The following TTC28 variants were observed in gnomAD, a reference collection of about 807,000 sequenced individuals.
TTC28 encodes the protein tetratricopeptide repeat domain 28.
A neutral mutation model predicts 198.0 loss-of-function variants in TTC28; 61 were observed. That is an observed-to-expected ratio of 0.31 (90% confidence interval 0.25 to 0.38). The LOEUF (loss-of-function observed/expected upper bound fraction) is 0.38. TTC28 is among the 10% of genes least tolerant of loss of function. TTC28 has a pLI of 1.00. For missense variants in TTC28, 2,678 were observed against 3,164.0 expected (o/e 0.85, Z 3.69); for synonymous variants, 1,171 against 1,297.8 (o/e 0.90, Z 2.10).
At chr22:28,137,153 C>G (rs772363691) in intron 6 of TTC28, among the ~76,000 whole-genome samples, 13 of 152,080 alleles carry the variant, frequency 8.5e-5, no homozygotes, top group Non-Finnish European at 1.0e-4. Flanking sequence ...TTCTTTGGAG[C>G]CCCTATGGAG....
intron 5 of TTC28, among the ~76,000 whole-genome samples, chr22:28,268,573 T>C (rs1453219434): frequency 6.6e-6 from 1 of 152,214 alleles, no homozygotes; most frequent in East Asian, 1.9e-4. Context: ...ACATACTAGT[T>C]TGAAAATATC....
intron 5 of TTC28, among the ~76,000 whole-genome samples, chr22:28,290,400 T>C (rs1399625812): frequency 1.3e-5 from 2 of 152,076 alleles, no homozygotes; most frequent in African/African-American, 4.8e-5. Context: ...TTGGGAGTGT[T>C]CTCAAAGATC....
At chr22:28,640,513 C>T (rs529408754) in intron 1 of TTC28, among the ~76,000 whole-genome samples, 1 of 151,480 alleles carries the variant, frequency 6.6e-6, no homozygotes, top group Non-Finnish European at 1.5e-5. Flanking sequence ...TTTCATTCAA[C>T]TCCAAGATAC....
At chr22:28,352,188 T>C (rs564097087) in intron 2 of TTC28, among the ~76,000 whole-genome samples, 1 of 152,236 alleles carries the variant, frequency 6.6e-6, no homozygotes, top group African/African-American at 2.4e-5. Context: ...TTAGATCTCA[T>C]CTACTTATCC....
At chr22:28,184,565 A>G (rs1316241988) in intron 5 of TTC28, among the ~76,000 whole-genome samples, 1 of 151,990 alleles carries the variant, frequency 6.6e-6, no homozygotes, top group Non-Finnish European at 1.5e-5. Flanking sequence ...CCTAAGTTAC[A>G]TTTTTAAATT....
rs569111557 is a variant in TTC28, at chr22:28,553,435, G to A, written c.381+76117C>T. Among the ~76,000 whole-genome samples, 1,126 of 147,904 alleles carry A rather than the reference G, an allele frequency of 7.6e-3. 12 individuals carry two copies. The highest frequency in any genetic ancestry group is 0.026 in the African/African-American group (1,034 of 39,740). On this transcript the variant is annotated intron_variant, in intron 2 of 22. Coordinates refer to ENST00000397906, the MANE Select transcript of TTC28 (RefSeq NM_001145418.2). ...GAGATGTGGGGAGCGCCTCTGCCCC[G>A]CCGCCCTGTCTGGGATGTGAGGAGC...
intron 2 of TTC28, among the ~76,000 whole-genome samples, chr22:28,541,575 C>G (rs1156332579): frequency 1.3e-5 from 2 of 151,874 alleles, no homozygotes; most frequent in Non-Finnish European, 2.9e-5. Context: ...ATTTTTTATT[C>G]CAAAAATGTG....
chr22:28,394,188 G>A (rs919574128), intron 2 of TTC28, among the ~76,000 whole-genome samples: 1 of 152,034 alleles, frequency 6.6e-6, no homozygotes, highest in African/African-American at 2.4e-5. Flanking sequence ...GGGTACCATG[G>A]GTCAATGTTG....
At chr22:28,193,586 A>G (rs1290292783) in intron 5 of TTC28, among the ~76,000 whole-genome samples, 1 of 152,202 alleles carries the variant, frequency 6.6e-6, no homozygotes, top group East Asian at 1.9e-4. Context: ...AAAGGGATGG[A>G]GGAAGATCTG....
At chr22:28,653,555 T>C (rs1043399087) in intron 1 of TTC28, among the ~76,000 whole-genome samples, 2 of 151,838 alleles carry the variant, frequency 1.3e-5, no homozygotes, top group African/African-American at 4.8e-5. Context: ...AGGAGTTATA[T>C]GGCCCTGGAG....
intron 2 of TTC28, among the ~76,000 whole-genome samples, chr22:28,513,235 G>A (rs1216699261): frequency 6.6e-6 from 1 of 152,058 alleles, no homozygotes; most frequent in Non-Finnish European, 1.5e-5. Context: ...GAAGATATTA[G>A]CTCTTGCTTT....
chr22:28,579,999 C>T (rs1259430638), intron 2 of TTC28, among the ~76,000 whole-genome samples: 1 of 151,844 alleles, frequency 6.6e-6, no homozygotes, highest in Non-Finnish European at 1.5e-5. Flanking sequence ...CACACACACA[C>T]ACATACACAC....
At chr22:28,480,886 GA>G (rs1376933052) in intron 2 of TTC28, among the ~76,000 whole-genome samples, 2 of 152,066 alleles carry the variant, frequency 1.3e-5, no homozygotes, top group Admixed American at 6.5e-5. Flanking sequence ...AATCACCTCT[GA>G]CTGTATGTGA....
chr22:28,154,909 C>T (rs1044662951), intron 6 of TTC28, among the ~76,000 whole-genome samples: 2 of 152,150 alleles, frequency 1.3e-5, no homozygotes, highest in East Asian at 1.9e-4. Context: ...ACCCACTTCA[C>T]CTTTACCTGT....
chr22:28,547,196 G>T (rs1483489435), intron 2 of TTC28, among the ~76,000 whole-genome samples: 2 of 150,748 alleles, frequency 1.3e-5, no homozygotes, highest in Non-Finnish European at 3.0e-5. Flanking sequence ...CTCTCTGCAT[G>T]TGTGTATGTG....
chr22:28,326,371 A>G (rs1451971079), intron 2 of TTC28, among the ~76,000 whole-genome samples: 2 of 152,160 alleles, frequency 1.3e-5, no homozygotes, highest in African/African-American at 2.4e-5. Context: ...AAATGAATGT[A>G]TACATGTGTT....
At chr22:27,989,789 A>G (rs1937333686) in intron 21 of TTC28, 89 bp downstream of exon 21, 71 of 1,463,652 alleles carry the variant, frequency 4.9e-5, no homozygotes, top group Non-Finnish European at 6.4e-5. Context: ...AGACACTGAG[A>G]TACTTTGCCC....
At chr22:28,545,063 A>G (rs1345949947) in intron 2 of TTC28, among the ~76,000 whole-genome samples, 1 of 152,164 alleles carries the variant, frequency 6.6e-6, no homozygotes, top group Non-Finnish European at 1.5e-5. Context: ...TTCATCTCAA[A>G]TTCTTTCTTG....
At chr22:28,281,977 T>G (rs1009860966) in intron 5 of TTC28, among the ~76,000 whole-genome samples, 3 of 152,204 alleles carry the variant, frequency 2.0e-5, no homozygotes, top group African/African-American at 7.2e-5. Flanking sequence ...TACTCTGCCC[T>G]CTGATTCCTC....
Sources: allele counts gnomAD v4.1 joint callset (sites outside exome capture counted in the v4.1 genomes callset), GRCh38; gene constraint gnomAD v4.1.1; transcripts MANE v1.5; gene names NCBI Gene and HGNC (gene_info 2026-07-23, HGNC 2026-07-21).